Variants in TECPR2 observed in about 807,000 individuals in gnomAD.
TECPR2 encodes tectonin beta-propeller repeat-containing protein 2.
Under a neutral mutation model 138.1 loss-of-function variants are expected in TECPR2, and 65 were observed. The observed-to-expected ratio is 0.47, with a 90% CI of 0.39 to 0.58. The LOEUF (loss-of-function observed/expected upper bound fraction) is 0.58, where lower values mean the gene tolerates loss of function less well. TECPR2 is among the 20% of genes least tolerant of loss of function. The probability of loss-of-function intolerance (pLI) is 0.00; values close to 1 mark genes in which losing one functional copy is unlikely to be tolerated. For synonymous variants in TECPR2, 746 were observed against 749.8 expected, an observed-to-expected ratio of 0.99 and a Z score of 0.08; for missense variants, 1,553 against 1,824.5, an observed-to-expected ratio of 0.85 and a Z score of 2.71.
intron 1 of TECPR2, among the ~76,000 whole-genome samples, chr14:102,364,714 G>A (rs545365451): frequency 1.1e-4 from 17 of 152,122 alleles, no homozygotes; most frequent in African/African-American, 3.9e-4. Flanking sequence ...TCTTAAAGAA[G>A]TTACACTTAA....
At chr14:102,476,695 C>T (rs957170889) in intron 17 of TECPR2, among the ~76,000 whole-genome samples, 6 of 152,090 alleles carry the variant, frequency 3.9e-5, no homozygotes, top group Admixed American at 6.6e-5. Flanking sequence ...TGAAAGTTGT[C>T]CAAATTTGAT....
At position 102,433,518 on chromosome 14, in the gene TECPR2, A is replaced by T. The variant is rs185966176; in HGVS notation, c.1418-717A>T. 3.1e-3 allele frequency among the ~76,000 whole-genome samples: 466 copies of T among 148,374 alleles called. 4 individuals carry two copies. The highest frequency in any genetic ancestry group is 0.011 in the African/African-American group (423 of 38,796). Reference sequence around the variant, plus strand: ...TTTTTATTTATTTATTTATTTATTTATTTATTTTTTAATTTATTGGAGACA... The same window carrying T: ...TTTTTATTTATTTATTTATTTATTTTTTTATTTTTTAATTTATTGGAGACA... On this transcript the variant is annotated intron_variant, in intron 8 of 19. Transcript: ENST00000359520.
intron 17 of TECPR2, among the ~76,000 whole-genome samples, chr14:102,483,203 A>C (rs904984541): frequency 6.6e-6 from 1 of 151,700 alleles, no homozygotes; most frequent in Non-Finnish European, 1.5e-5. Flanking sequence ...TTTCTTTCTG[A>C]AAGTTTGTAA....
intron 1 of TECPR2, among the ~76,000 whole-genome samples, chr14:102,366,740 T>C (rs768511253): frequency 2.6e-5 from 4 of 152,268 alleles, no homozygotes. Context: ...AAAGCTATTA[T>C]TAGATACTAG....
intron 16 of TECPR2, among the ~76,000 whole-genome samples, chr14:102,463,264 A>G (rs1205518364): frequency 1.3e-5 from 2 of 151,942 alleles, no homozygotes; most frequent in East Asian, 1.9e-4. Flanking sequence ...TAAAAATACA[A>G]AAATTAGCTG....
chr14:102,452,716 G>A (rs1890179399), intron 16 of TECPR2, 89 bp downstream of exon 16: 2 of 1,052,560 alleles, frequency 1.9e-6, no homozygotes, highest in Non-Finnish European at 2.8e-6. Flanking sequence ...TGCCCGGCCT[G>A]TGTCCAACCT....
rs1166062140 is a variant in TECPR2 at position 102,375,006 on chromosome 14, AAC to A, written c.-72-1643_-72-1642del. On this transcript the variant is annotated intron_variant, in intron 1 of 19. Coordinates refer to ENST00000359520, the MANE Select transcript of TECPR2 (RefSeq NM_014844.5). Reference sequence around the variant, plus strand: ...GTGTCAGAGTGGCAGGCAGGCAGATAACCAGTCAGAGAAAAGAAAGGAGATGT... The same window carrying A: ...GTGTCAGAGTGGCAGGCAGGCAGATACAGTCAGAGAAAAGAAAGGAGATGT... 2.0e-5 allele frequency among the ~76,000 whole-genome samples: 3 copies of A among 152,230 alleles called. No individual in the cohort carries two copies. The East Asian group carries it at 5.8e-4, about 29-fold the overall frequency.
At chr14:102,478,722 A>G (rs1383356146) in intron 17 of TECPR2, among the ~76,000 whole-genome samples, 4 of 151,920 alleles carry the variant, frequency 2.6e-5, no homozygotes, top group African/African-American at 9.7e-5. Context: ...GGGAACAGAA[A>G]TGAGTGAAGC....
At chr14:102,476,415 T>G (rs1032807622) in intron 17 of TECPR2, among the ~76,000 whole-genome samples, 3 of 150,310 alleles carry the variant, frequency 2.0e-5, no homozygotes, top group Non-Finnish European at 4.4e-5. Context: ...CAAATCAAAT[T>G]TGTAGGGATT....
chr14:102,364,822 G>T (rs1434049862), intron 1 of TECPR2, among the ~76,000 whole-genome samples: 1 of 152,178 alleles, frequency 6.6e-6, no homozygotes, highest in East Asian at 1.9e-4. Flanking sequence ...CAGGCATCAG[G>T]CAGAGGCAGT....
intron 11 of TECPR2, among the ~76,000 whole-genome samples, chr14:102,441,447 C>T (rs766043901): frequency 6.1e-5 from 9 of 148,602 alleles, no homozygotes; most frequent in Non-Finnish European, 1.2e-4. Context: ...GAGGCCTAGA[C>T]GAGCAGATCA....
At chr14:102,447,176 G>A (rs924952313) in intron 13 of TECPR2, among the ~76,000 whole-genome samples, 12 of 152,068 alleles carry the variant, frequency 7.9e-5, no homozygotes, top group Non-Finnish European at 1.6e-4. Flanking sequence ...TTTTTCTGGG[G>A]CAGAGTCTCA....
At chr14:102,470,140 C>A (rs1890625866) in intron 17 of TECPR2, among the ~76,000 whole-genome samples, 1 of 152,038 alleles carries the variant, frequency 6.6e-6, no homozygotes, top group Admixed American at 6.6e-5. Context: ...TTCTTTTCTA[C>A]TTTTTGGAAG....
intron 7 of TECPR2, among the ~76,000 whole-genome samples, chr14:102,429,409 C>A (rs1038587703): frequency 6.6e-6 from 1 of 152,286 alleles, no homozygotes; most frequent in South Asian, 2.1e-4. Flanking sequence ...CTGGGACATA[C>A]CGTTTACCCT....
chr14:102,440,528 C>T lies in TECPR2; in HGVS notation c.2671C>T (p.Leu891=), dbSNP rs142569475. The change falls in exon 11 of 20, where the codon CTG becomes TTG. Residue 891 remains leucine, a synonymous_variant. Transcript: ENST00000359520. The stretch of plus-strand genomic sequence containing the variant: ...GGGGAAGCGGCACTGGTACGAAGCC[C>T]TGCCCCAGGCAGTGTTTGTGGCCCT... ...IKGKRHWYEA[L]PQAVFVALSD... is the part of the protein sequence containing the mutation. 2.5e-5 allele frequency: 41 copies of T among 1,614,092 alleles called. No homozygotes were observed. The African/African-American group carries it at 4.5e-4, about 18-fold the overall frequency.
chr14:102,487,880 T>A (rs1891069518), intron 17 of TECPR2, among the ~76,000 whole-genome samples: 1 of 144,624 alleles, frequency 6.9e-6, no homozygotes, highest in Admixed American at 7.0e-5. Flanking sequence ...TCACTCTTGT[T>A]GCCGAGGCTG....
chr14:102,404,144 T>G (rs534397680), intron 2 of TECPR2, among the ~76,000 whole-genome samples: 2 of 151,810 alleles, frequency 1.3e-5, no homozygotes, highest in Non-Finnish European at 2.9e-5. Flanking sequence ...GCTCAAGTGA[T>G]CCTCCTGCCT....
chr14:102,423,072 AG>A (rs1889227233), intron 5 of TECPR2, among the ~76,000 whole-genome samples: 1 of 152,214 alleles, frequency 6.6e-6, no homozygotes, highest in Non-Finnish European at 1.5e-5. Context: ...TTTGCAGTCC[AG>A]GGGCAATAGG....
intron 2 of TECPR2, among the ~76,000 whole-genome samples, chr14:102,379,524 C>T (rs1391875199): frequency 6.8e-6 from 1 of 147,984 alleles, no homozygotes; most frequent in Non-Finnish European, 1.5e-5. Context: ...TGCACAGAGG[C>T]GTCCTGGTCA....
Sources: gnomAD v4.1 joint callset for allele counts (sites outside exome capture counted in the v4.1 genomes callset) on GRCh38, gnomAD v4.1.1 for gene constraint, MANE v1.5 for transcripts, NCBI Gene and HGNC (gene_info 2026-07-23, HGNC 2026-07-21) for gene names.